Variants in LEPR observed in about 807,000 individuals in gnomAD.
LEPR encodes OB receptor.
A neutral mutation model predicts 114.7 loss-of-function variants in LEPR; 56 were observed. The observed-to-expected ratio is 0.49, with a 90% CI of 0.39 to 0.61. LEPR has a LOEUF of 0.61. Ranked by LOEUF, LEPR falls within the 20% of genes least tolerant of loss-of-function variation. The pLI is 0.00. For missense variants in LEPR, 1,202 were observed against 1,352.9 expected (o/e 0.89, Z 1.75); for synonymous variants, 443 against 461.4 (o/e 0.96, Z 0.51).
At chr1:65,506,427 G>A (rs1310364197) in intron 2 of LEPR, among the ~76,000 whole-genome samples, 1 of 152,188 alleles carries the variant, frequency 6.6e-6, no homozygotes, top group African/African-American at 2.4e-5. Flanking sequence ...ATCTGATGGG[G>A]GAAGGGATGG....
chr1:65,463,017 A>C (rs1361570694), intron 2 of LEPR, among the ~76,000 whole-genome samples: 1 of 152,092 alleles, frequency 6.6e-6, no homozygotes, highest in Non-Finnish European at 1.5e-5. Context: ...CCATTTGTCA[A>C]TTTTGGCTTT....
rs1223396091 is a variant in LEPR at position 65,440,018 on chromosome 1, A to G, written c.-21+14640A>G. Among the ~76,000 whole-genome samples, 8 of 150,180 alleles carry G rather than the reference A, an allele frequency of 5.3e-5. No individual in the cohort carries two copies. In the East Asian group the frequency reaches 1.2e-3, roughly 22 times the overall value. On this transcript the variant is annotated intron_variant, in intron 2 of 19. Coordinates refer to ENST00000349533, the MANE Select transcript of LEPR (RefSeq NM_002303.6). ...TCTGTCTCAAAAAAAAAAAAAAAAA[A>G]AAAAAAGAAAAAGAAAATTGACAGT... is the stretch of plus-strand genomic sequence containing the variant.
At position 65,427,341 on chromosome 1, in the gene LEPR, C is replaced by T. The variant is rs114546727; in HGVS notation, c.-21+1963C>T. Among the ~76,000 whole-genome samples the T allele has an allele frequency of 4.5e-3, 682 of 152,130 alleles. 7 individuals carry two copies. Among genetic ancestry groups the T allele is most frequent in the African/African-American group, 0.016 (656 of 41,516 alleles). ...ATAATCCCAGCACTTTGGGAGGCAACGGTAGGAGGATTGCTTGAAGCCAGG... is the reference window on the plus strand; with the variant it reads ...ATAATCCCAGCACTTTGGGAGGCAATGGTAGGAGGATTGCTTGAAGCCAGG... On this transcript the variant is annotated intron_variant, in intron 2 of 19. Transcript: ENST00000349533.
At chr1:65,434,267 A>G (rs1188769361) in intron 2 of LEPR, 1 of 983,022 alleles carries the variant, frequency 1.0e-6, no homozygotes, top group Non-Finnish European at 1.2e-6. Context: ...ATATAATACA[A>G]AAGTTTGATC....
At chr1:65,448,547 A>C (rs1213411874) in intron 2 of LEPR, among the ~76,000 whole-genome samples, 1 of 152,108 alleles carries the variant, frequency 6.6e-6, no homozygotes, top group African/African-American at 2.4e-5. Context: ...ATGAGTGGGG[A>C]AGTATTCCCT....
At chr1:65,429,927 A>G (rs1196457982) in intron 2 of LEPR, 11 of 1,556,502 alleles carry the variant, frequency 7.1e-6, no homozygotes, top group Admixed American at 3.4e-5. Context: ...TTCATTGCCA[A>G]AAGAGTCACC....
chr1:65,594,447 A>G (rs559269924), intron 6 of LEPR, among the ~76,000 whole-genome samples: 1 of 152,146 alleles, frequency 6.6e-6, no homozygotes, highest in African/African-American at 2.4e-5. Context: ...TGCTGACTGG[A>G]CTGTCTAGTG....
chr1:65,439,324 A>G (rs2100271785), intron 2 of LEPR, among the ~76,000 whole-genome samples: 1 of 152,326 alleles, frequency 6.6e-6, no homozygotes, highest in South Asian at 2.1e-4. Context: ...ATATTGGAGA[A>G]AGGACACCCA....
Position 65,601,655 on chromosome 1 carries a change from C to G in LEPR, c.1258C>G (p.His420Asp). Residue 420 changes from histidine (H) to aspartate (D), a missense_variant, in exon 9 of 20, where the codon CAT becomes GAT. Coordinates refer to ENST00000349533, the MANE Select transcript of LEPR (RefSeq NM_002303.6). ...VYCCNEHECH[H>D]RYAELYVIDV... Reference sequence around the variant, plus strand: ...CTGCTGCAATGAACATGAATGCCATCATCGCTATGCTGAATTATATGTGAT... The same window carrying G: ...CTGCTGCAATGAACATGAATGCCATGATCGCTATGCTGAATTATATGTGAT... 7 of 1,613,662 alleles carry G rather than the reference C, an allele frequency of 4.3e-6. No homozygotes were observed. The highest frequency in any genetic ancestry group is 5.9e-6 in the Non-Finnish European group (7 of 1,179,724).
chr1:65,532,676 A>C (rs1650486189), intron 2 of LEPR, among the ~76,000 whole-genome samples: 1 of 151,564 alleles, frequency 6.6e-6, no homozygotes, highest in Non-Finnish European at 1.5e-5. Context: ...GTGCTGATAA[A>C]TGCTTCAACA....
chr1:65,526,221 TG>T, intron 2 of LEPR: 1 of 985,364 alleles, frequency 1.0e-6, no homozygotes, highest in Non-Finnish European at 1.2e-6. Context: ...GAGAATTTGC[TG>T]GTTCGAATGA....
At chr1:65,481,063 C>T (rs914139640) in intron 2 of LEPR, among the ~76,000 whole-genome samples, 1 of 152,126 alleles carries the variant, frequency 6.6e-6, no homozygotes, top group African/African-American at 2.4e-5. Flanking sequence ...TTTGGTTTCC[C>T]CTGAGGCCTC....
intron 5 of LEPR, among the ~76,000 whole-genome samples, chr1:65,586,079 A>G (rs951483960): frequency 6.6e-6 from 1 of 152,024 alleles, no homozygotes; most frequent in Non-Finnish European, 1.5e-5. Context: ...TATGGTCTTT[A>G]TTGATCTCTA....
At chr1:65,564,089 G>C (rs1406534843) in intron 2 of LEPR, among the ~76,000 whole-genome samples, 1 of 145,640 alleles carries the variant, frequency 6.9e-6, no homozygotes. Context: ...CACCCAGTTG[G>C]AGCTTCCCGC....
At chr1:65,488,196 CTTTCTTTCTTTCTT>C (rs754824621) in intron 2 of LEPR, among the ~76,000 whole-genome samples, 16 of 22,012 alleles carry the variant, frequency 7.3e-4, no homozygotes, top group South Asian at 6.8e-3. Flanking sequence ...TTCTTTCTTT[CTTTCTTTCTTTCTT>C]TCTCTCTCTC....
At chr1:65,420,823 G>A in intron 1 of LEPR, 83 bp downstream of exon 1, 1 of 1,502,134 alleles carries the variant, frequency 6.7e-7, no homozygotes, top group Non-Finnish European at 9.0e-7. Context: ...CGCCTTCCGC[G>A]CGCCGTTGGG....
chr1:65,519,087 C>T (rs746262829), intron 2 of LEPR, among the ~76,000 whole-genome samples: 11 of 143,038 alleles, frequency 7.7e-5, no homozygotes, highest in Non-Finnish European at 1.7e-4. Context: ...TCTCTCCTTC[C>T]TTCCATCCTC....
chr1:65,631,879 A>G (rs1658537933), intron 19 of LEPR, among the ~76,000 whole-genome samples: 1 of 152,246 alleles, frequency 6.6e-6, no homozygotes, highest in Admixed American at 6.5e-5. Context: ...TTTTTCCCTT[A>G]AAGATATTTT....
chr1:65,634,410 A>G (rs1557708982), intron 19 of LEPR: 1 of 970,834 alleles, frequency 1.0e-6, no homozygotes, highest in Non-Finnish European at 1.2e-6. Context: ...CACTCAACAC[A>G]TATTTAATAT....
Sources: gnomAD v4.1 joint callset for allele counts (sites outside exome capture counted in the v4.1 genomes callset) on GRCh38, gnomAD v4.1.1 for gene constraint, MANE v1.5 for transcripts, NCBI Gene and HGNC (gene_info 2026-07-23, HGNC 2026-07-21) for gene names.